Variants in RAP1GAP observed in about 807,000 individuals in gnomAD.
The protein encoded by RAP1GAP is rap1 GTPase-activating protein 1.
A neutral mutation model predicts 87.2 loss-of-function variants in RAP1GAP; 35 were observed. The observed-to-expected ratio is 0.40, with a 90% CI of 0.31 to 0.53. The LOEUF (loss-of-function observed/expected upper bound fraction) is 0.53. Ranked by LOEUF, RAP1GAP falls within the 20% of genes least tolerant of loss-of-function variation. The pLI is 0.48. For synonymous variants in RAP1GAP, 375 were observed against 363.9 expected (o/e 1.03, Z -0.35); for missense variants, 734 against 898.9 (o/e 0.82, Z 2.35).
At chr1:21,626,489 G>A in intron 2 of RAP1GAP, 92 bp from the exon 3 acceptor site, 3 of 1,060,188 alleles carry the variant, frequency 2.8e-6, no homozygotes, top group Admixed American at 1.7e-5. Context: ...GGGGATGTGA[G>A]GGAGGATAGA....
intron 2 of RAP1GAP, among the ~76,000 whole-genome samples, chr1:21,645,330 A>G (rs941677544): frequency 5.1e-4 from 77 of 151,918 alleles, no homozygotes; most frequent in African/African-American, 1.8e-3. Context: ...AGTGGCTGCC[A>G]GGGGCTGGGC....
At chr1:21,598,561 G>T in intron 21 of RAP1GAP, 59 bp from the exon 22 acceptor site, 1 of 1,373,996 alleles carries the variant, frequency 7.3e-7, no homozygotes, top group Non-Finnish European at 1.0e-6. Context: ...ACTGGCTAGG[G>T]CTCCCTCCCA....
rs140278020 is a variant in RAP1GAP, at chr1:21,612,854, C to T, written c.528+322G>A. Among the ~76,000 whole-genome samples, 532 of 152,310 alleles carry T rather than the reference C, an allele frequency of 3.5e-3. 2 individuals carry two copies. The highest frequency in any genetic ancestry group is 0.012 in the African/African-American group (502 of 41,550). ...AAAGGCAAGGCCGGTAGAAAAGACACCCATTCCAGGGGAGGACTATGGCAC... is the reference window on the plus strand; with the variant it reads ...AAAGGCAAGGCCGGTAGAAAAGACATCCATTCCAGGGGAGGACTATGGCAC... On this transcript the variant is annotated intron_variant, in intron 10 of 24. Transcript: ENST00000374765.
rs540032127 is a variant in RAP1GAP at position 21,613,443 on chromosome 1, G to A, written c.474+185C>T. Among the ~76,000 whole-genome samples the A allele has an allele frequency of 4.6e-5, 7 of 152,252 alleles. No homozygotes were observed. The highest frequency in any genetic ancestry group is 3.3e-4 in the Admixed American group (5 of 15,300). On this transcript the variant is annotated intron_variant, in intron 9 of 24. Transcript: ENST00000374765. The surrounding 1 kb of genome is among the most constrained non-coding windows in gnomAD (Gnocchi z 4.7). ...AACCAAAAGCACACAGGCAGGGGACGGGGGCCTAGGAGAACACGTGGCAGC... is the reference window on the plus strand; with the variant it reads ...AACCAAAAGCACACAGGCAGGGGACAGGGGCCTAGGAGAACACGTGGCAGC...
intron 1 of RAP1GAP, among the ~76,000 whole-genome samples, chr1:21,654,864 G>C (rs2096795241): frequency 1.5e-5 from 2 of 136,808 alleles, no homozygotes; most frequent in Non-Finnish European, 1.6e-5. Flanking sequence ...AGAAAGGCTA[G>C]GCACGGTGGC....
chr1:21,627,409 C>T (rs1051734907), intron 2 of RAP1GAP, among the ~76,000 whole-genome samples: 3 of 125,240 alleles, frequency 2.4e-5, no homozygotes, highest in Non-Finnish European at 3.4e-5. Flanking sequence ...CTCCCTTCTT[C>T]TTTTTTTTTT....
intron 1 of RAP1GAP, among the ~76,000 whole-genome samples, chr1:21,658,266 T>C (rs2096942684): frequency 6.6e-6 from 1 of 152,240 alleles, no homozygotes; most frequent in African/African-American, 2.4e-5. Flanking sequence ...CATGACTTTC[T>C]GCTCTTAAAT....
chr1:21,606,151 C>T lies in RAP1GAP; in HGVS notation c.1343G>A (p.Ser448Asn). The change falls in exon 18 of 25, where the codon AGC becomes AAC. Residue 448 changes from serine to asparagine, a missense_variant. Physicochemically the swap from Ser to Asn is conservative, Grantham distance 46. This residue lies in a region of RAP1GAP where 485 missense variants were observed against 646.2 expected (regional missense o/e 0.75). Coordinates refer to ENST00000374765, the MANE Select transcript of RAP1GAP (RefSeq NM_002885.4). ...RSQSMDAMGLSNKKPNTVSTS... is the reference protein window; with the variant it reads ...RSQSMDAMGLNNKKPNTVSTS... ...GGACACGGTGTTGGGCTTCTTGTTG[C>T]TCAGCCCCATGGCATCCATGGACTG... 1.3e-6 allele frequency: 2 copies of T among 1,585,256 alleles called. No homozygotes were observed. Among genetic ancestry groups the T allele is most frequent in the South Asian group, 2.3e-5 (2 of 86,890 alleles).
chr1:21,663,925 T>C (rs1232541430), intron 1 of RAP1GAP, among the ~76,000 whole-genome samples: 1 of 151,874 alleles, frequency 6.6e-6, no homozygotes, highest in Non-Finnish European at 1.5e-5. Context: ...ATACTGCAAT[T>C]CCCCCAGAGA....
chr1:21,630,330 G>A (rs1241555609), intron 2 of RAP1GAP, among the ~76,000 whole-genome samples: 1 of 149,180 alleles, frequency 6.7e-6, no homozygotes, highest in African/African-American at 2.5e-5. Flanking sequence ...GTGCAGTGGC[G>A]TGATCAAAGC....
chr1:21,632,666 G>A (rs1254762463), intron 2 of RAP1GAP, among the ~76,000 whole-genome samples: 3 of 152,206 alleles, frequency 2.0e-5, no homozygotes, highest in East Asian at 3.9e-4. Context: ...TTGGTAGGCT[G>A]AGGTGGGAGG....
chr1:21,637,296 A>ACAC (rs1214010982), intron 2 of RAP1GAP, among the ~76,000 whole-genome samples: 1 of 149,216 alleles, frequency 6.7e-6, no homozygotes, highest in Non-Finnish European at 1.5e-5. Flanking sequence ...AGCTGGGACC[A>ACAC]CAGGTGCATG....
intron 22 of RAP1GAP, 149 bp from the exon 23 acceptor site, chr1:21,598,213 C>T: frequency 1.3e-6 from 1 of 756,350 alleles, no homozygotes; most frequent in Non-Finnish European, 2.1e-6. Flanking sequence ...CGAGACCCTT[C>T]CGGAAGAAAC....
intron 1 of RAP1GAP, among the ~76,000 whole-genome samples, chr1:21,652,234 C>T (rs1410671513): frequency 2.0e-5 from 3 of 152,124 alleles, no homozygotes; most frequent in East Asian, 2.0e-4. Flanking sequence ...TGGGAGCTCC[C>T]TCCCAGAAGC....
chr1:21,627,444 C>T (rs1185779536), intron 2 of RAP1GAP, among the ~76,000 whole-genome samples: 1 of 129,326 alleles, frequency 7.7e-6, no homozygotes, highest in South Asian at 2.5e-4. Context: ...GACAGAGTTT[C>T]GCTCTTATTC....
In RAP1GAP at chr1:21,615,988, C is replaced by T. The variant is rs975285232; in HGVS notation, c.291+1318G>A. On this transcript the variant is annotated intron_variant, in intron 7 of 24. Transcript: ENST00000374765. The surrounding 1 kb of genome is among the most constrained non-coding windows in gnomAD (Gnocchi z 4.5). Reference sequence around the variant, plus strand: ...TTGTTCCCAGGCAAAGGCTCCTGAACCTGGGCTTGCTGGTTTAGTCCCAGT... The same window carrying T: ...TTGTTCCCAGGCAAAGGCTCCTGAATCTGGGCTTGCTGGTTTAGTCCCAGT... Among the ~76,000 whole-genome samples the T allele has an allele frequency of 1.3e-5, 2 of 152,166 alleles. No individual in the cohort carries two copies. The highest frequency in any genetic ancestry group is 2.1e-4 in the South Asian group (1 of 4,834).
At chr1:21,632,957 G>C (rs2094053230) in intron 2 of RAP1GAP, among the ~76,000 whole-genome samples, 1 of 152,200 alleles carries the variant, frequency 6.6e-6, no homozygotes, top group African/African-American at 2.4e-5. Context: ...GTTGGGCAGA[G>C]GGGGAGACCA....
chr1:21,641,957 T>C (rs1470206108), intron 2 of RAP1GAP, among the ~76,000 whole-genome samples: 2 of 152,198 alleles, frequency 1.3e-5, no homozygotes, highest in African/African-American at 2.4e-5. Context: ...AACAGCTGCA[T>C]TGTTACACCG....
At position 21,660,174 on chromosome 1, in the gene RAP1GAP, C is replaced by T. The variant is rs531365590; in HGVS notation, c.-149+9080G>A. Among the ~76,000 whole-genome samples the T allele has an allele frequency of 5.3e-5, 8 of 151,090 alleles. No homozygotes were observed. The South Asian group carries it at 8.4e-4, about 16-fold the overall frequency. On this transcript the variant is annotated intron_variant, in intron 1 of 24. Coordinates refer to ENST00000374765, the MANE Select transcript of RAP1GAP (RefSeq NM_002885.4). ...AGCCTCACAAAGCACCTCCCCAAGA[C>T]ACACAGTAGGTGCTTAATAACCCGT... is the stretch of plus-strand genomic sequence containing the variant.
Sources: gnomAD v4.1 joint callset for allele counts (sites outside exome capture counted in the v4.1 genomes callset) on GRCh38, gnomAD v4.1.1 for gene constraint, gnomAD v4.1.1 regional missense constraint, Gnocchi (gnomAD v3.1) non-coding constraint, MANE v1.5 for transcripts, NCBI Gene and HGNC (gene_info 2026-07-23, HGNC 2026-07-21) for gene names.